Variants in SHROOM2 observed in about 807,000 individuals in gnomAD.
The protein encoded by SHROOM2 is protein Shroom2.
In SHROOM2, 33 loss-of-function variants were observed where a neutral mutation model predicts 75.9. The ratio of observed to expected loss-of-function variants is 0.43; its 90% CI spans 0.33 to 0.58. The LOEUF (loss-of-function observed/expected upper bound fraction) is 0.58. SHROOM2 is among the 20% of genes least tolerant of loss of function. SHROOM2 has a pLI of 0.04. For missense variants in SHROOM2, 1,434 were observed against 1,461.2 expected (o/e 0.98, Z 0.30); for synonymous variants, 655 against 663.6 (o/e 0.99, Z 0.20).
chrX:9,798,940 C>T (rs1178300127), intron 1 of SHROOM2, among the ~76,000 whole-genome samples: 2 of 111,069 alleles, frequency 1.8e-5, no homozygotes, highest in South Asian at 3.8e-4. Context: ...GTTGATTTAA[C>T]GACAGAGCTC....
chrX:9,932,812 GC>G lies in SHROOM2; in HGVS notation c.3535del (p.Gln1179ArgfsTer3). ...CTCGCGCTCCCCCTCGCCCCAGTTC[GC>G]CCCCCAGAAACTGACGGACAAACCT... ...ETSRSPSPQF[A>X]PQKLTDKPPL... On this transcript the variant is annotated frameshift_variant, in exon 6 of 10. Transcript: ENST00000380913. LOFTEE classifies it high-confidence loss of function. 1.7e-6 allele frequency: 2 copies of G among 1,205,820 alleles called. No homozygotes were observed. Among genetic ancestry groups the G allele is most frequent in the Non-Finnish European group, 1.1e-6 (1 of 894,317 alleles).
At chrX:9,897,188 T>A (rs1463380249) in intron 4 of SHROOM2, among the ~76,000 whole-genome samples, 1 of 112,120 alleles carries the variant, frequency 8.9e-6, no homozygotes, top group Non-Finnish European at 1.9e-5. Context: ...AGGATTGCTC[T>A]GGGACAAAAT....
intron 5 of SHROOM2, among the ~76,000 whole-genome samples, chrX:9,904,258 G>A (rs1358472959): frequency 1.8e-5 from 2 of 111,857 alleles, no homozygotes; most frequent in Non-Finnish European, 3.8e-5. Flanking sequence ...AGTGGCACGT[G>A]TCTCTAATCC....
chrX:9,806,528 C>T (rs1279034951), intron 1 of SHROOM2, among the ~76,000 whole-genome samples: 7 of 105,225 alleles, frequency 6.7e-5, no homozygotes, highest in Non-Finnish European at 1.2e-4. Flanking sequence ...ATATATCTGT[C>T]TCCTTGTGCC....
intron 1 of SHROOM2, among the ~76,000 whole-genome samples, chrX:9,803,160 G>C (rs1197083101): frequency 5.0e-5 from 5 of 99,978 alleles, no homozygotes; most frequent in Non-Finnish European, 8.1e-5. Context: ...GGTTGGTCTT[G>C]AACTCCTGAG....
chrX:9,925,469 G>A (rs2084585595), intron 5 of SHROOM2, among the ~76,000 whole-genome samples: 1 of 112,653 alleles, frequency 8.9e-6, no homozygotes, highest in Admixed American at 9.4e-5. Context: ...ATGGAGGAGT[G>A]CTTTCTAGAT....
rs1323048865 is a variant in SHROOM2 at position 9,937,521 on chromosome X, G to A, written c.3975G>A (p.Gly1325=). ...AGGAGCTGGCCAGGGAGATCGTGGG[G>A]AAGGATAAGTCCCTGGCCGACATCC... is the stretch of plus-strand genomic sequence containing the variant. ...KSEELAREIV[G]KDKSLADILD... Residue 1325 remains glycine (G), a synonymous_variant, in exon 7 of 10, where the codon GGG becomes GGA. Transcript: ENST00000380913. 7.4e-6 allele frequency: 9 copies of A among 1,211,920 alleles called. No individual in the cohort carries two copies. Among genetic ancestry groups the A allele is most frequent in the Non-Finnish European group, 1.0e-5 (9 of 895,570 alleles).
In SHROOM2 at chrX:9,894,526, C is replaced by T. The variant is rs764456682; in HGVS notation, c.618C>T (p.Arg206=). The T allele has an allele frequency of 9.9e-6, 12 of 1,209,407 alleles. No individual in the cohort carries two copies. Among genetic ancestry groups the T allele is most frequent in the South Asian group, 1.8e-5 (1 of 56,726 alleles). The change falls in exon 4 of 10, where the codon CGC becomes CGT. Residue 206 remains arginine, a synonymous_variant. Coordinates refer to ENST00000380913, the MANE Select transcript of SHROOM2 (RefSeq NM_001649.4). The part of the protein sequence containing the change: ...SIDHLGSHSK[R]DSAYGSFSTS... ...ACCACCTGGGCAGCCACAGCAAGCGCGACTCGGCCTACGGCTCCTTCTCCA... is the reference window on the plus strand; with the variant it reads ...ACCACCTGGGCAGCCACAGCAAGCGTGACTCGGCCTACGGCTCCTTCTCCA...
At chrX:9,902,632 A>G (rs955452867) in intron 5 of SHROOM2, among the ~76,000 whole-genome samples, 1 of 112,574 alleles carries the variant, frequency 8.9e-6, no homozygotes, top group Non-Finnish European at 1.9e-5. Context: ...ATCTCAAAAT[A>G]AATTTGGTAG....
chrX:9,896,850 TG>T (rs1418050924), intron 4 of SHROOM2, 152 bp downstream of exon 4: 1 of 617,993 alleles, frequency 1.6e-6, no homozygotes, highest in African/African-American at 2.3e-5. Context: ...TAGAGGTATT[TG>T]GGGACAAAGT....
chrX:9,909,794 A>G (rs1185180670), intron 5 of SHROOM2, among the ~76,000 whole-genome samples: 1 of 112,621 alleles, frequency 8.9e-6, no homozygotes, highest in Non-Finnish European at 1.9e-5. Context: ...GGCTGCTATA[A>G]TAAAACACCT....
chrX:9,836,850 C>A (rs751798929), intron 1 of SHROOM2, among the ~76,000 whole-genome samples: 20 of 111,911 alleles, frequency 1.8e-4, no homozygotes, highest in African/African-American at 6.2e-4. Flanking sequence ...CCAAAAGATT[C>A]TTTTTATTCC....
intron 5 of SHROOM2, among the ~76,000 whole-genome samples, chrX:9,901,394 A>G (rs2084364925): frequency 8.9e-6 from 1 of 111,806 alleles, no homozygotes; most frequent in Admixed American, 9.5e-5. Context: ...TTCTACCTTT[A>G]TAGTAACCAC....
intron 2 of SHROOM2, among the ~76,000 whole-genome samples, chrX:9,876,988 T>G (rs1400779090): frequency 8.9e-6 from 1 of 112,116 alleles, no homozygotes; most frequent in South Asian, 3.7e-4. Flanking sequence ...ATTTGAATAG[T>G]GGTTCACGGA....
chrX:9,856,587 C>T (rs2084071521), intron 1 of SHROOM2, among the ~76,000 whole-genome samples: 2 of 111,571 alleles, frequency 1.8e-5, no homozygotes, highest in Admixed American at 1.9e-4. Flanking sequence ...TCAGTGTTTT[C>T]TGGGAAGAGT....
chrX:9,935,163 G>C lies in SHROOM2; in HGVS notation c.3588-1971G>C, dbSNP rs185860939. On this transcript the variant is annotated intron_variant, in intron 6 of 9. Transcript: ENST00000380913. ...TGCACATCAAATTTCTGCACAAAAG[G>C]GGGAGGATACCAATACAGGCTGATG... 3.3e-4 allele frequency among the ~76,000 whole-genome samples: 36 copies of C among 110,739 alleles called. No individual in the cohort carries two copies. In the Admixed American group the frequency reaches 3.3e-3, roughly 10 times the overall value.
chrX:9,895,423 G>C lies in SHROOM2; in HGVS notation c.1515G>C (p.Glu505Asp), dbSNP rs759658961. The change falls in exon 4 of 10, where the codon GAG becomes GAC. Residue 505 changes from glutamate (E) to aspartate (D), a missense_variant. Physicochemically the swap from Glu to Asp is conservative, Grantham distance 45. This residue lies in a region of SHROOM2 where 1,340 missense variants were observed against 1,338.3 expected (regional missense o/e 1.00). Transcript: ENST00000380913. The stretch of plus-strand genomic sequence containing the variant: ...CTGACACAGCCCTTGGAGCCCTCGA[G>C]AGTCTTCCCCCACCCACGGTGGGCC... ...WPSDTALGAL[E>D]SLPPPTVGQS... 8.3e-7 allele frequency: 1 copy of C among 1,208,907 alleles called. No homozygotes were observed. The highest frequency in any genetic ancestry group is 2.2e-5 in the Admixed American group (1 of 45,864).
At chrX:9,837,347 G>A (rs1223227200) in intron 1 of SHROOM2, among the ~76,000 whole-genome samples, 1 of 112,862 alleles carries the variant, frequency 8.9e-6, no homozygotes, top group Admixed American at 9.3e-5. Context: ...CGTGTTTCAT[G>A]TTGCCTCTCT....
At chrX:9,933,764 A>G (rs749744379) in intron 6 of SHROOM2, among the ~76,000 whole-genome samples, 1 of 112,175 alleles carries the variant, frequency 8.9e-6, no homozygotes, top group East Asian at 2.8e-4. Context: ...TGACAGAGTG[A>G]GACCCTGTGC....
Sources: gnomAD v4.1 joint callset for allele counts (sites outside exome capture counted in the v4.1 genomes callset) on GRCh38, gnomAD v4.1.1 for gene constraint, gnomAD v4.1.1 regional missense constraint, MANE v1.5 for transcripts, NCBI Gene and HGNC (gene_info 2026-07-23, HGNC 2026-07-21) for gene names.